Variants in WDR44 observed in about 807,000 individuals in gnomAD.
WDR44 encodes the protein WD repeat-containing protein 44.
WDR44 carries 9 observed loss-of-function variants against 65.7 expected under a neutral mutation model. The ratio of observed to expected loss-of-function variants is 0.14; its 90% CI spans 0.08 to 0.24. The LOEUF (loss-of-function observed/expected upper bound fraction) is 0.24. WDR44 is among the 10% of genes least tolerant of loss of function. The pLI, the probability that WDR44 is intolerant of heterozygous loss-of-function variation, is 1.00. For missense variants in WDR44, 425 were observed against 670.9 expected (o/e 0.63, Z 4.05); for synonymous variants, 220 against 235.2 (o/e 0.94, Z 0.59).
chrX:118,358,787 A>G, intron 1 of WDR44, among the ~76,000 whole-genome samples: 1 of 111,972 alleles, frequency 8.9e-6, no homozygotes, highest in Non-Finnish European at 1.9e-5. Context: ...AACCATATTA[A>G]TATGGCCAGG....
At chrX:118,434,963 G>T (rs778554000) in intron 13 of WDR44, among the ~76,000 whole-genome samples, 1 of 111,515 alleles carries the variant, frequency 9.0e-6, no homozygotes, top group South Asian at 3.8e-4. Flanking sequence ...AAGAGATTGA[G>T]CCCCTGTGAC....
intron 13 of WDR44, among the ~76,000 whole-genome samples, chrX:118,434,467 T>C (rs1479425823): frequency 8.9e-6 from 1 of 112,473 alleles, no homozygotes; most frequent in Admixed American, 9.5e-5. Context: ...ATGGGGCTTT[T>C]ATTTTATATG....
chrX:118,346,635 C>G, intron 1 of WDR44, 55 bp downstream of exon 1: 1 of 982,170 alleles, frequency 1.0e-6, no homozygotes, highest in Non-Finnish European at 1.4e-6. Context: ...CCCGCATCTC[C>G]TGTGTCTTCC....
intron 12 of WDR44, among the ~76,000 whole-genome samples, chrX:118,432,194 G>T (rs5956057): frequency 0.16 from 17,501 of 110,866 alleles, 2,495 homozygotes; most frequent in African/African-American, 0.44. Flanking sequence ...CTATCTCCCT[G>T]CTTTGTACTC....
chrX:118,380,752 C>G (rs759946974), intron 2 of WDR44, among the ~76,000 whole-genome samples: 1 of 111,695 alleles, frequency 9.0e-6, no homozygotes, highest in African/African-American at 3.3e-5. Context: ...ATAGAATAGA[C>G]GTGTTAACTG....
Position 118,439,895 on chromosome X carries a change from G to A in WDR44, c.1975-1473G>A, listed in dbSNP as rs1327500002. Among the ~76,000 whole-genome samples, 3 of 109,194 alleles carry A rather than the reference G, an allele frequency of 2.7e-5. No individual in the cohort carries two copies. In the Admixed American group the frequency reaches 3.0e-4, roughly 11 times the overall value. 94.8% of individuals were successfully genotyped at this position (109,194 alleles called of 115,157 possible). A position where few individuals can be genotyped will look rare whatever the true frequency, so the allele number is the denominator to read the frequency against. The stretch of plus-strand genomic sequence containing the variant: ...AGCACTTTGGGAGTTTGAGGCAGGA[G>A]GATCACTTGAGGCCAGGAGTTTGAG... On this transcript the variant is annotated intron_variant, in intron 14 of 19. Coordinates refer to ENST00000254029, the MANE Select transcript of WDR44 (RefSeq NM_019045.5).
At position 118,374,824 on chromosome X, in the gene WDR44, A is replaced by G. The variant is rs2056643316; in HGVS notation, c.78-3595A>G. Among the ~76,000 whole-genome samples, 5 of 111,802 alleles carry G rather than the reference A, an allele frequency of 4.5e-5. No homozygotes were observed. In the South Asian group the frequency reaches 1.5e-3, roughly 33 times the overall value. ...ATGTACTCACTCACTTCATCCTCAT[A>G]GAAGTTCTATGAAATAGATGGTTTT... is the stretch of plus-strand genomic sequence containing the variant. On this transcript the variant is annotated intron_variant, in intron 1 of 19. Transcript: ENST00000254029.
chrX:118,411,259 A>T (rs2057010748), intron 12 of WDR44, among the ~76,000 whole-genome samples: 1 of 111,475 alleles, frequency 9.0e-6, no homozygotes, highest in Admixed American at 9.6e-5. Flanking sequence ...AATAATGATA[A>T]TAGATACCCA....
intron 12 of WDR44, among the ~76,000 whole-genome samples, chrX:118,411,425 A>G (rs2057011945): frequency 8.9e-6 from 1 of 111,989 alleles, no homozygotes; most frequent in African/African-American, 3.2e-5. Context: ...CCAATTTTAA[A>G]CCTATAAAGC....
chrX:118,378,580 A>G (rs2056682872), intron 2 of WDR44, 128 bp downstream of exon 2: 8 of 563,963 alleles, frequency 1.4e-5, no homozygotes, highest in Non-Finnish European at 2.3e-5. Context: ...TGTAGTCATT[A>G]TGTCCTACTT....
chrX:118,408,610 G>A (rs2056987534), intron 10 of WDR44, among the ~76,000 whole-genome samples: 1 of 111,242 alleles, frequency 9.0e-6, no homozygotes, highest in Non-Finnish European at 1.9e-5. Context: ...TGTTGCCCAG[G>A]CTAGTCTCAA....
intron 5 of WDR44, 43 bp from the exon 6 acceptor site, chrX:118,395,206 A>C: frequency 4.5e-6 from 5 of 1,110,007 alleles, no homozygotes; most frequent in Non-Finnish European, 6.1e-6. Flanking sequence ...AATTTATAGA[A>C]ATTGATTCAG....
At chrX:118,437,958 C>T (rs1373736392) in intron 14 of WDR44, among the ~76,000 whole-genome samples, 1 of 110,479 alleles carries the variant, frequency 9.1e-6, no homozygotes, top group Non-Finnish European at 1.9e-5. Flanking sequence ...ATCACTTGAA[C>T]CCAGGAGGCA....
rs1569362857 is a variant in WDR44 at position 118,378,736 on chromosome X, T to TGTGTGTGTGTGTG, written c.111+285_111+286insTGTGTGTGTGTGG. 2.4e-3 allele frequency among the ~76,000 whole-genome samples: 149 copies of TGTGTGTGTGTGTG among 61,037 alleles called. 1 individual carries two copies. The highest frequency in any genetic ancestry group is 0.02 in the African/African-American group (140 of 6,850). 53.0% of individuals were successfully genotyped at this position (61,037 alleles called of 115,157 possible). On this transcript the variant is annotated intron_variant, in intron 2 of 19. Coordinates refer to ENST00000254029, the MANE Select transcript of WDR44 (RefSeq NM_019045.5). ...TGTGTGTGTGTGTGTGTGTGTGTGT[T>TGTGTGTGTGTGTG]GAAAAAGTGATACTTGGCCAGGCAT...
At chrX:118,437,902 G>A (rs1213903424) in intron 14 of WDR44, among the ~76,000 whole-genome samples, 1 of 111,147 alleles carries the variant, frequency 9.0e-6, no homozygotes, top group African/African-American at 3.3e-5. Context: ...CAGGCATGGT[G>A]GCAGGTGCCT....
chrX:118,395,140 A>G, intron 5 of WDR44, 109 bp from the exon 6 acceptor site: 1 of 703,399 alleles, frequency 1.4e-6, no homozygotes, highest in African/African-American at 2.2e-5. Flanking sequence ...GATTTTCAGC[A>G]GACTCCATTA....
chrX:118,444,244 A>T (rs1389679856), intron 18 of WDR44, 116 bp from the exon 19 acceptor site: 2 of 876,507 alleles, frequency 2.3e-6, no homozygotes, highest in African/African-American at 2.0e-5. Flanking sequence ...TGGGTTTTAA[A>T]TCACTCTTAG....
intron 12 of WDR44, among the ~76,000 whole-genome samples, chrX:118,420,239 G>A (rs1162228327): frequency 9.0e-6 from 1 of 111,403 alleles, no homozygotes. Flanking sequence ...CTGTGCCATT[G>A]TGTGGTTTAA....
intron 12 of WDR44, among the ~76,000 whole-genome samples, chrX:118,419,474 G>T (rs900468725): frequency 9.3e-6 from 1 of 108,094 alleles, no homozygotes; most frequent in Non-Finnish European, 1.9e-5. Context: ...TGTGTGTTCC[G>T]GAGAGGAGGA....
Sources: allele counts gnomAD v4.1 joint callset (sites outside exome capture counted in the v4.1 genomes callset), GRCh38; gene constraint gnomAD v4.1.1; transcripts MANE v1.5; gene names NCBI Gene and HGNC (gene_info 2026-07-23, HGNC 2026-07-21).